LACTBL1: variants seen among roughly 807,000 people sequenced by gnomAD.
LACTBL1 encodes lactamase beta like 1.
Under a neutral mutation model 39.6 loss-of-function variants are expected in LACTBL1, and 29 were observed. The observed-to-expected ratio is 0.73, with a 90% CI of 0.55 to 1.00. LACTBL1 has a LOEUF of 1.00. LACTBL1 is among the 50% of genes least tolerant of loss of function. The pLI is 0.00. For synonymous variants in LACTBL1, 361 were observed against 360.7 expected (o/e 1.00, Z -0.01); for missense variants, 711 against 748.5 (o/e 0.95, Z 0.59).
Position 22,957,640 on chromosome 1 carries a change from C to CTT in LACTBL1, c.553+1043_553+1044dup, listed in dbSNP as rs34603019. On this transcript the variant is annotated intron_variant, in intron 4 of 5. Transcript: ENST00000426928. ...GCACCTTTTAATATTTCTTAATATT[C>CTT]TTTTTTTTTTTTTTTTTTTTTTTTT... is the stretch of plus-strand genomic sequence containing the variant. Among the ~76,000 whole-genome samples the CTT allele has an allele frequency of 3.3e-3, 187 of 56,686 alleles. 20 individuals are homozygous for CTT. The highest frequency in any genetic ancestry group is 0.013 in the East Asian group (18 of 1,436). 37.2% of individuals were successfully genotyped at this position (56,686 alleles called of 152,430 possible). A position where few individuals can be genotyped will look rare whatever the true frequency, so the allele number is the denominator to read the frequency against.
chr1:22,953,327 G>C, exon 6 of LACTBL1: 1 of 1,225,522 alleles, frequency 8.2e-7, no homozygotes, highest in Non-Finnish European at 1.0e-6. Flanking sequence ...AACTGGCGCA[G>C]GCGCAGCTCG....
chr1:22,966,317 GT>G (rs1248666113), upstream of LACTBL1, among the ~76,000 whole-genome samples: 1 of 152,200 alleles, frequency 6.6e-6, no homozygotes. Context: ...GAGGTTTACA[GT>G]TTTACGAGGA....
upstream of LACTBL1, among the ~76,000 whole-genome samples, chr1:22,968,745 C>T (rs1176995366): frequency 2.6e-5 from 4 of 152,240 alleles, no homozygotes; most frequent in African/African-American, 4.8e-5. Context: ...ACTTAACCTC[C>T]CTGTGCTTCT....
chr1:22,960,122 A>G (rs1640804836), intron 2 of LACTBL1, 23 bp from the exon 5 acceptor site: 1 of 1,550,042 alleles, frequency 6.5e-7, no homozygotes. Context: ...GAACGGGTGC[A>G]GTGACAGGCC....
exon 6 of LACTBL1, chr1:22,953,368 G>A (rs1290972470): frequency 1.6e-6 from 2 of 1,228,624 alleles, no homozygotes; most frequent in Non-Finnish European, 2.0e-6. Flanking sequence ...CTCGTAGAAG[G>A]TCAGGTTGGC....
intron 1 of LACTBL1, 97 bp downstream of exon 3, chr1:22,965,193 G>T: frequency 9.4e-7 from 1 of 1,065,296 alleles, no homozygotes; most frequent in Non-Finnish European, 1.2e-6. Flanking sequence ...TAAATCTTAT[G>T]GTCCTCCCCT....
intron 2 of LACTBL1, among the ~76,000 whole-genome samples, chr1:22,962,182 T>C (rs1340452736): frequency 6.6e-6 from 1 of 152,200 alleles, no homozygotes; most frequent in Non-Finnish European, 1.5e-5. Flanking sequence ...GTTGCTTTTA[T>C]GAAAATTTGC....
At chr1:22,962,232 C>G (rs749076883) in intron 2 of LACTBL1, among the ~76,000 whole-genome samples, 1 of 152,180 alleles carries the variant, frequency 6.6e-6, no homozygotes, top group Non-Finnish European at 1.5e-5. Flanking sequence ...TCTGCTCTCT[C>G]CCCTTCACAA....
intron 4 of LACTBL1, among the ~76,000 whole-genome samples, chr1:22,958,458 A>G (rs146621243): frequency 9.0e-4 from 137 of 152,288 alleles, no homozygotes; most frequent in African/African-American, 3.1e-3. Flanking sequence ...AGACCTGCCA[A>G]CTCATCTTGA....
At chr1:22,967,565 T>TACACAC (rs761074956), upstream of LACTBL1, among the ~76,000 whole-genome samples, 44 of 141,016 alleles carry the variant, frequency 3.1e-4, no homozygotes, top group African/African-American at 1.2e-3. Context: ...TCTCCATATA[T>TACACAC]ATACACACAC....
At chr1:22,970,237 T>G (rs1009472314), upstream of LACTBL1, among the ~76,000 whole-genome samples, 1 of 152,156 alleles carries the variant, frequency 6.6e-6, no homozygotes, top group African/African-American at 2.4e-5. Context: ...ATAGACAAAC[T>G]ATAGTACGTC....
In LACTBL1 at chr1:22,953,421, A is replaced by AGCCGG; in HGVS notation, c.1258_1262dup (p.Pro422ArgfsTer19). On this transcript the variant is annotated frameshift_variant, in exon 6 of 6. Transcript: ENST00000426928. LOFTEE classifies it high-confidence loss of function. The stretch of plus-strand genomic sequence containing the variant: ...CGAAGGGGTGCGCGGTGGGCGGCGG[A>AGCCGG]GCCGGGCCGGGCTCGGCCTCCCGGA... 8.1e-7 allele frequency: 1 copy of AGCCGG among 1,227,524 alleles called. No individual in the cohort carries two copies. The highest frequency in any genetic ancestry group is 1.0e-6 in the Non-Finnish European group (1 of 985,320). The allele number at this position is 1,227,524 out of a possible 1,614,324, so 76.0% of individuals were successfully genotyped here.
chr1:22,960,179 A>G (rs1361759576), intron 2 of LACTBL1, 80 bp from the exon 5 acceptor site: 2 of 1,497,952 alleles, frequency 1.3e-6, no homozygotes, highest in Admixed American at 2.0e-5. Context: ...ACCCTCGTCC[A>G]TAGTCACACC....
chr1:22,953,621 G>A, exon 6 of LACTBL1: 2 of 1,265,310 alleles, frequency 1.6e-6, no homozygotes, highest in Non-Finnish European at 2.0e-6. Context: ...CGGTAGCCCC[G>A]CTGCGCGTGG....
At chr1:22,972,201 T>TG in the LACTBL1 span, 18 of 386,114 alleles carry the variant, frequency 4.7e-5, no homozygotes, top group African/African-American at 3.5e-4. Flanking sequence ...GAAGGTAACG[T>TG]GGGGGGGATT....
At chr1:22,961,085 A>C (rs1286573976) in intron 2 of LACTBL1, among the ~76,000 whole-genome samples, 1 of 152,100 alleles carries the variant, frequency 6.6e-6, no homozygotes, top group East Asian at 1.9e-4. Flanking sequence ...TAGCCTGAAC[A>C]TTTATTGAAA....
At chr1:22,953,898 G>A (rs897048869) in exon 6 of LACTBL1, 3 of 1,550,224 alleles carry the variant, frequency 1.9e-6, no homozygotes, top group Non-Finnish European at 1.7e-6. Flanking sequence ...TGAGGTCAAA[G>A]CCCGTGTCTG....
At chr1:22,968,855 T>C (rs1192088464), upstream of LACTBL1, among the ~76,000 whole-genome samples, 2 of 152,246 alleles carry the variant, frequency 1.3e-5, no homozygotes, top group Non-Finnish European at 2.9e-5. Flanking sequence ...TCTGACACAT[T>C]GTAAGCCCTG....
At chr1:22,967,676 C>T (rs1322808715), upstream of LACTBL1, among the ~76,000 whole-genome samples, 4 of 152,130 alleles carry the variant, frequency 2.6e-5, no homozygotes, top group East Asian at 1.9e-4. Flanking sequence ...GACAGACAGA[C>T]TTATAATGTA....
Sources: allele counts gnomAD v4.1 joint callset (sites outside exome capture counted in the v4.1 genomes callset), GRCh38; gene constraint gnomAD v4.1.1; transcripts MANE v1.5; gene names NCBI Gene and HGNC (gene_info 2026-07-23, HGNC 2026-07-21).